Variants in DSCAM observed in about 807,000 individuals in gnomAD.
The protein encoded by DSCAM is cell adhesion molecule DSCAM.
Under a neutral mutation model 217.7 loss-of-function variants are expected in DSCAM, and 47 were observed. That is an observed-to-expected ratio of 0.22 (90% CI 0.17 to 0.28). DSCAM has a LOEUF of 0.28. Ranked by LOEUF, DSCAM falls within the 10% of genes least tolerant of loss-of-function variation. The pLI is 1.00. For synonymous variants in DSCAM, 1,056 were observed against 1,015.3 expected (o/e 1.04, Z -0.76); for missense variants, 2,080 against 2,618.3 (o/e 0.79, Z 4.49).
chr21:40,437,956 G>C (rs2055836528), intron 3 of DSCAM, among the ~76,000 whole-genome samples: 1 of 152,232 alleles, frequency 6.6e-6, no homozygotes, highest in South Asian at 2.1e-4. Flanking sequence ...TCATCTCATA[G>C]CCTCACAGGT....
intron 20 of DSCAM, among the ~76,000 whole-genome samples, chr21:40,099,030 G>A (rs2089717645): frequency 6.6e-6 from 1 of 152,152 alleles, no homozygotes; most frequent in Non-Finnish European, 1.5e-5. Flanking sequence ...CCAAGGCTAT[G>A]TCATTGCCAA....
intron 3 of DSCAM, among the ~76,000 whole-genome samples, chr21:40,497,451 G>A (rs1407956723): frequency 7.4e-6 from 1 of 134,288 alleles, no homozygotes; most frequent in Non-Finnish European, 1.6e-5. Flanking sequence ...TAGAATGGTG[G>A]TTTCCAGGGG....
chr21:40,801,575 A>G (rs1179206714), intron 1 of DSCAM, among the ~76,000 whole-genome samples: 1 of 152,176 alleles, frequency 6.6e-6, no homozygotes, highest in Non-Finnish European at 1.5e-5. Context: ...TTCAGGAGCT[A>G]GACCAAGGGC....
chr21:40,344,993 A>T (rs1258962227), intron 6 of DSCAM, among the ~76,000 whole-genome samples: 1 of 152,116 alleles, frequency 6.6e-6, no homozygotes, highest in Non-Finnish European at 1.5e-5. Context: ...CAGATTGAAT[A>T]ATTTTCTAAG....
chr21:40,231,622 C>T (rs574983289), intron 11 of DSCAM, among the ~76,000 whole-genome samples: 1 of 152,202 alleles, frequency 6.6e-6, no homozygotes, highest in Non-Finnish European at 1.5e-5. Context: ...CCCACGTCAG[C>T]CTCCCAAGTA....
intron 3 of DSCAM, among the ~76,000 whole-genome samples, chr21:40,369,783 CTG>C (rs1220972930): frequency 6.6e-6 from 1 of 152,156 alleles, no homozygotes; most frequent in Non-Finnish European, 1.5e-5. Context: ...CCTAAAAAGG[CTG>C]TCTTATTTCC....
intron 3 of DSCAM, among the ~76,000 whole-genome samples, chr21:40,636,237 G>A (rs373754238): frequency 3.3e-5 from 5 of 152,008 alleles, no homozygotes; most frequent in South Asian, 2.1e-4. Context: ...CGTGGTTCAC[G>A]GAGCCAAGAC....
chr21:40,535,861 T>C (rs1222777745), intron 3 of DSCAM, among the ~76,000 whole-genome samples: 1 of 152,214 alleles, frequency 6.6e-6, no homozygotes, highest in African/African-American at 2.4e-5. Context: ...CCTGAAAGTA[T>C]TTAAAGCAGG....
intron 1 of DSCAM, among the ~76,000 whole-genome samples, chr21:40,768,755 T>G (rs2091418510): frequency 6.6e-6 from 1 of 152,182 alleles, no homozygotes; most frequent in South Asian, 2.1e-4. Context: ...TTCCCAAAGC[T>G]TGCGTTGATT....
At chr21:40,337,586 A>G (rs1277031182) in intron 8 of DSCAM, among the ~76,000 whole-genome samples, 1 of 152,184 alleles carries the variant, frequency 6.6e-6, no homozygotes, top group Non-Finnish European at 1.5e-5. Context: ...CCATGTCATG[A>G]TGCAAAGAAT....
chr21:40,653,388 G>A (rs1181441703), intron 3 of DSCAM, among the ~76,000 whole-genome samples: 1 of 152,302 alleles, frequency 6.6e-6, no homozygotes, highest in East Asian at 1.9e-4. Context: ...TGGAGAGGGT[G>A]GTCCACAGCC....
chr21:40,317,913 C>G (rs944183001), intron 8 of DSCAM, among the ~76,000 whole-genome samples: 1 of 152,046 alleles, frequency 6.6e-6, no homozygotes, highest in Non-Finnish European at 1.5e-5. Context: ...ACACTCTGCA[C>G]TTTAGACAAT....
chr21:40,254,206 G>A (rs764851073), intron 11 of DSCAM, among the ~76,000 whole-genome samples: 4 of 152,194 alleles, frequency 2.6e-5, no homozygotes, highest in Non-Finnish European at 5.9e-5. Context: ...ATAAATGACA[G>A]AGCCTTTGTT....
chr21:40,390,534 C>T (rs549398048), intron 3 of DSCAM, among the ~76,000 whole-genome samples: 10 of 152,240 alleles, frequency 6.6e-5, no homozygotes, highest in African/African-American at 2.2e-4. Context: ...TACTGCAAAC[C>T]GGGTGGTTTA....
chr21:40,433,399 C>A (rs538321071), intron 3 of DSCAM, among the ~76,000 whole-genome samples: 22 of 151,192 alleles, frequency 1.5e-4, no homozygotes, highest in Non-Finnish European at 2.2e-4. Flanking sequence ...ACCAGCTGCA[C>A]GGGACCAACA....
intron 1 of DSCAM, among the ~76,000 whole-genome samples, chr21:40,815,519 A>G (rs1238683881): frequency 6.6e-6 from 1 of 152,184 alleles, no homozygotes. Flanking sequence ...AATCTCTTCC[A>G]TGTAATGAGC....
At chr21:40,096,279 A>G (rs1330866845) in intron 20 of DSCAM, among the ~76,000 whole-genome samples, 1 of 151,922 alleles carries the variant, frequency 6.6e-6, no homozygotes, top group Non-Finnish European at 1.5e-5. Context: ...GCCTTTTCAG[A>G]TGGAACCAAT....
chr21:40,733,094 G>C (rs1350065178), intron 1 of DSCAM, among the ~76,000 whole-genome samples: 1 of 152,252 alleles, frequency 6.6e-6, no homozygotes, highest in Non-Finnish European at 1.5e-5. Flanking sequence ...ATGGCAAACT[G>C]TGCCAGGCAC....
intron 3 of DSCAM, among the ~76,000 whole-genome samples, chr21:40,592,919 T>A (rs2076994359): frequency 3.9e-5 from 6 of 152,228 alleles, no homozygotes; most frequent in Admixed American, 3.3e-4. Context: ...TTTGTTGAGC[T>A]AATGAATTGC....
Sources: allele counts gnomAD v4.1 joint callset (sites outside exome capture counted in the v4.1 genomes callset), GRCh38; gene constraint gnomAD v4.1.1; transcripts MANE v1.5; gene names NCBI Gene and HGNC (gene_info 2026-07-23, HGNC 2026-07-21).